MAST4: variants seen among roughly 807,000 people sequenced by gnomAD.
MAST4 encodes microtubule-associated serine/threonine-protein kinase 4.
Under a neutral mutation model 162.7 loss-of-function variants are expected in MAST4, and 89 were observed. The observed-to-expected ratio is 0.55, with a 90% CI of 0.46 to 0.65. The LOEUF (loss-of-function observed/expected upper bound fraction) is 0.65. Ranked by LOEUF, MAST4 falls within the 30% of genes least tolerant of loss-of-function variation. MAST4 has a pLI of 0.00. For missense variants in MAST4, 3,153 were observed against 3,374.0 expected (o/e 0.93, Z 1.62); for synonymous variants, 1,479 against 1,361.1 (o/e 1.09, Z -1.91).
chr5:66,668,136 A>G (rs1053508309), intron 1 of MAST4, among the ~76,000 whole-genome samples: 1 of 152,216 alleles, frequency 6.6e-6, no homozygotes, highest in African/African-American at 2.4e-5. Context: ...TATGATAACA[A>G]CTGGAAATGT....
At chr5:66,751,297 A>C (rs548421738) in intron 1 of MAST4, among the ~76,000 whole-genome samples, 1,862 of 152,338 alleles carry the variant, frequency 0.012, 37 homozygotes, top group African/African-American at 0.043. Flanking sequence ...CTGGATGGAG[A>C]ATGACTTTGA....
At chr5:66,855,725 A>G (rs953011264) in intron 3 of MAST4, among the ~76,000 whole-genome samples, 1 of 152,218 alleles carries the variant, frequency 6.6e-6, no homozygotes, top group Non-Finnish European at 1.5e-5. Flanking sequence ...AAACCAGAAC[A>G]TGTATGCACC....
In MAST4 at chr5:67,118,751, T is replaced by C; in HGVS notation, c.1659+2T>C. 6.5e-7 allele frequency: 1 copy of C among 1,529,312 alleles called. No individual in the cohort carries two copies. Among genetic ancestry groups the C allele is most frequent in the South Asian group, 1.2e-5 (1 of 83,914 alleles). The allele number at this position is 1,529,312 out of a possible 1,614,324, so 94.7% of individuals were successfully genotyped here. ...CCAGAAACAGATGAATCAGTGAGTG[T>C]AAGTATATTTCTTGATGAAATATGA... is the stretch of plus-strand genomic sequence containing the variant. On this transcript the variant is annotated splice_donor_variant, in intron 13 of 28. Transcript: ENST00000403625. LOFTEE classifies it high-confidence loss of function.
chr5:66,996,272 T>TC (rs1207742049), intron 4 of MAST4, among the ~76,000 whole-genome samples: 1 of 150,974 alleles, frequency 6.6e-6, no homozygotes, highest in East Asian at 1.9e-4. Flanking sequence ...AGAGTGAAAC[T>TC]CCATCTCAAA....
chr5:67,137,998 C>CT (rs1221880221), intron 19 of MAST4, among the ~76,000 whole-genome samples: 1 of 152,172 alleles, frequency 6.6e-6, no homozygotes, highest in African/African-American at 2.4e-5. Context: ...CACCTTGTGT[C>CT]TTTTTTACCT....
At chr5:66,670,820 A>G (rs564660588) in intron 1 of MAST4, among the ~76,000 whole-genome samples, 1 of 152,206 alleles carries the variant, frequency 6.6e-6, no homozygotes, top group South Asian at 2.1e-4. Flanking sequence ...AAAGTTTTCA[A>G]ACAAACTAAA....
intron 18 of MAST4, among the ~76,000 whole-genome samples, chr5:67,135,877 C>T (rs538233030): frequency 2.0e-5 from 3 of 152,316 alleles, no homozygotes; most frequent in African/African-American, 7.2e-5. Context: ...TATTGCATTT[C>T]CGTACACACA....
At chr5:66,697,311 G>C (rs1431239008) in intron 1 of MAST4, among the ~76,000 whole-genome samples, 2 of 152,156 alleles carry the variant, frequency 1.3e-5, no homozygotes, top group Non-Finnish European at 2.9e-5. Flanking sequence ...CCAAGTGACC[G>C]ATGTACGATG....
intron 2 of MAST4, among the ~76,000 whole-genome samples, chr5:66,778,858 G>A (rs2149654644): frequency 6.6e-6 from 1 of 152,242 alleles, no homozygotes; most frequent in Admixed American, 6.5e-5. Flanking sequence ...TTTCTGTATT[G>A]TAGACATGTA....
chr5:66,871,752 G>A (rs1760945505), intron 3 of MAST4, among the ~76,000 whole-genome samples: 1 of 152,140 alleles, frequency 6.6e-6, no homozygotes, highest in Admixed American at 6.5e-5. Context: ...CGAGAGGCAG[G>A]ATTCTCTCAC....
chr5:66,871,147 C>T (rs937413903), intron 3 of MAST4, among the ~76,000 whole-genome samples: 3 of 152,136 alleles, frequency 2.0e-5, no homozygotes, highest in South Asian at 4.1e-4. Flanking sequence ...TGTGACATCC[C>T]CGAACTCAGA....
chr5:66,723,624 A>G (rs1751349264), intron 1 of MAST4, among the ~76,000 whole-genome samples: 1 of 152,176 alleles, frequency 6.6e-6, no homozygotes, highest in Admixed American at 6.5e-5. Flanking sequence ...CTGTTCCCTT[A>G]TGAAAAATTT....
intron 3 of MAST4, among the ~76,000 whole-genome samples, chr5:66,809,131 T>C (rs1394525170): frequency 2.0e-5 from 3 of 152,234 alleles, no homozygotes; most frequent in Non-Finnish European, 4.4e-5. Flanking sequence ...TTGATGCCTT[T>C]CTCTACATAG....
chr5:66,615,687 C>G (rs1238385539), intron 1 of MAST4, among the ~76,000 whole-genome samples: 2 of 152,002 alleles, frequency 1.3e-5, no homozygotes, highest in African/African-American at 2.4e-5. Context: ...GTGGTGCATG[C>G]CTGTAGTCCC....
At chr5:66,805,861 C>T (rs575081238) in intron 3 of MAST4, among the ~76,000 whole-genome samples, 6 of 152,274 alleles carry the variant, frequency 3.9e-5, no homozygotes, top group South Asian at 2.1e-4. Flanking sequence ...GATCTTCTTT[C>T]GACGTGGAAG....
intron 4 of MAST4, among the ~76,000 whole-genome samples, chr5:66,956,858 A>G (rs1409870298): frequency 6.6e-6 from 1 of 152,100 alleles, no homozygotes; most frequent in African/African-American, 2.4e-5. Flanking sequence ...AGAGGGTACC[A>G]GGGAGGAAGT....
intron 4 of MAST4, chr5:66,958,983 C>A: frequency 4.5e-5 from 18 of 398,002 alleles, no homozygotes; most frequent in South Asian, 2.6e-4. Context: ...AATCAGAAAC[C>A]AATTACTTGA....
intron 5 of MAST4, among the ~76,000 whole-genome samples, chr5:67,069,312 A>ATATATATATATATATATATATATATAT (rs1561606003): frequency 1.3e-4 from 18 of 134,048 alleles, no homozygotes; most frequent in African/African-American, 3.3e-4. Context: ...ATATATATAT[A>ATATATATATATATATATATATATATAT]AAATTTTAAA....
chr5:66,770,114 T>G (rs1754294650), intron 2 of MAST4, among the ~76,000 whole-genome samples: 1 of 152,242 alleles, frequency 6.6e-6, no homozygotes, highest in Non-Finnish European at 1.5e-5. Context: ...CATATTTTTC[T>G]GAGTCACCAG....
Sources: gnomAD v4.1 joint callset for allele counts (sites outside exome capture counted in the v4.1 genomes callset) on GRCh38, gnomAD v4.1.1 for gene constraint, MANE v1.5 for transcripts, NCBI Gene and HGNC (gene_info 2026-07-23, HGNC 2026-07-21) for gene names.